Variants in SLC30A6 observed in about 807,000 individuals in gnomAD.
SLC30A6 encodes the protein zinc transporter 6.
A neutral mutation model predicts 63.0 loss-of-function variants in SLC30A6; 55 were observed. The ratio of observed to expected loss-of-function variants is 0.87; its 90% confidence interval spans 0.70 to 1.09. The LOEUF (loss-of-function observed/expected upper bound fraction) is 1.09, where lower values mean the gene tolerates loss of function less well. Among genes scored for constraint, SLC30A6 ranks in the 50% least tolerant of loss-of-function variants. The probability of loss-of-function intolerance (pLI) is 0.00; values close to 1 mark genes in which losing one functional copy is unlikely to be tolerated. For missense variants in SLC30A6, 587 were observed against 549.2 expected, an observed-to-expected ratio of 1.07 and a Z score of -0.69; for synonymous variants, 224 against 186.1, an observed-to-expected ratio of 1.20 and a Z score of -1.66.
chr2:32,190,407 C>T (rs1341068469), intron 5 of SLC30A6, among the ~76,000 whole-genome samples: 1 of 149,120 alleles, frequency 6.7e-6, no homozygotes, highest in Non-Finnish European at 1.5e-5. Context: ...TGCAGTGAGC[C>T]AATATCGTGT....
chr2:32,166,021 T>G, intron 1 of SLC30A6, 118 bp downstream of exon 1: 10 of 1,458,974 alleles, frequency 6.9e-6, no homozygotes, highest in Non-Finnish European at 9.6e-6. Context: ...GGAGTTGAAG[T>G]CGGGCCCCTT....
At chr2:32,203,439 C>T (rs1391531630) in intron 10 of SLC30A6, 1 of 1,512,472 alleles carries the variant, frequency 6.6e-7, no homozygotes, top group Non-Finnish European at 9.2e-7. Flanking sequence ...TTTTTCCAAC[C>T]ATCAGCTCAG....
chr2:32,180,688 C>T (rs766380333), intron 4 of SLC30A6, among the ~76,000 whole-genome samples: 17 of 152,186 alleles, frequency 1.1e-4, no homozygotes, highest in Non-Finnish European at 2.1e-4. Context: ...CCGCCTCAGC[C>T]TGCCAAAGTG....
chr2:32,201,925 G>A, intron 10 of SLC30A6: 2 of 1,476,834 alleles, frequency 1.4e-6, no homozygotes, highest in Non-Finnish European at 1.9e-6. Context: ...GAAGCTAAAT[G>A]GAGACACTGA....
rs1362125501 is a variant in SLC30A6 at position 32,182,575 on chromosome 2, C to G, written c.219-1698C>G. Reference sequence around the variant, plus strand: ...CTGAGGGCAGAGGTTTAACTGGGCCCCATTGTAAGAATCAAACTTCTCTTT... The same window carrying G: ...CTGAGGGCAGAGGTTTAACTGGGCCGCATTGTAAGAATCAAACTTCTCTTT... On this transcript the variant is annotated intron_variant, in intron 4 of 13. Transcript: ENST00000282587. Among the ~76,000 whole-genome samples, 9 of 152,074 alleles carry G rather than the reference C, an allele frequency of 5.9e-5. No individual in the cohort carries two copies. In the South Asian group the frequency reaches 1.7e-3, roughly 28 times the overall value.
chr2:32,174,999 G>C lies in SLC30A6; in HGVS notation c.176-320G>C, dbSNP rs141456513. On this transcript the variant is annotated intron_variant, in intron 3 of 13. Coordinates refer to ENST00000282587, the MANE Select transcript of SLC30A6 (RefSeq NM_017964.5). ...ATGTTTTTTATTGCATTGTTCTTTT[G>C]TTCAGTTATTCAAACAATACATTTG... is the stretch of plus-strand genomic sequence containing the variant. Among the ~76,000 whole-genome samples, 1,229 of 151,582 alleles carry C rather than the reference G, an allele frequency of 8.1e-3. 19 individuals carry two copies. Among genetic ancestry groups the C allele is most frequent in the Non-Finnish European group, 0.012 (829 of 67,864 alleles).
rs765730412 is a variant in SLC30A6, at chr2:32,197,795, C to T, written c.634C>T (p.Leu212Phe). ...GATTGATCTTGCTGGAGCATTTGCTCTTTGTATTACATATATGCTCATTGA... is the reference window on the plus strand; with the variant it reads ...GATTGATCTTGCTGGAGCATTTGCTTTTTGTATTACATATATGCTCATTGA... ...VLIDLAGAFA[L>F]CITYMLIEIN... The change falls in exon 10 of 14, where the codon CTT becomes TTT. Residue 212 changes from leucine to phenylalanine, a missense_variant. By Grantham distance (22) the Leu-to-Phe change is conservative. Transcript: ENST00000282587. 7 of 1,613,986 alleles carry T rather than the reference C, an allele frequency of 4.3e-6. No individual in the cohort carries two copies. Among genetic ancestry groups the T allele is most frequent in the Non-Finnish European group, 5.1e-6 (6 of 1,179,984 alleles).
chr2:32,204,689 C>T lies in SLC30A6; in HGVS notation c.765C>T (p.Leu255=). 6.3e-7 allele frequency: 1 copy of T among 1,593,054 alleles called. No individual in the cohort carries two copies. The change falls in exon 11 of 14, where the codon CTC becomes CTT. Residue 255 remains leucine, a synonymous_variant. Transcript: ENST00000282587. The part of the protein sequence containing the change: ...PMSVYSGKVL[L]QTTPPHVIGQ... ...GTGTGTACAGTGGGAAAGTCTTACT[C>T]CAGGTAAGGTGCTTCTTCCAATGCA...
chr2:32,199,390 A>G (rs1257237323), intron 10 of SLC30A6, among the ~76,000 whole-genome samples: 4 of 152,138 alleles, frequency 2.6e-5, no homozygotes, highest in Non-Finnish European at 5.9e-5. Context: ...GTGATATGAT[A>G]ATTCTGTATT....
intron 2 of SLC30A6, among the ~76,000 whole-genome samples, chr2:32,172,393 T>G (rs1681312656): frequency 6.6e-6 from 1 of 152,154 alleles, no homozygotes; most frequent in South Asian, 2.1e-4. Context: ...TGTTCTTTTT[T>G]TTTTGAGATG....
Position 32,224,367 on chromosome 2 carries a change from T to G in SLC30A6, c.*3654T>G, listed in dbSNP as rs1220813038. The G allele has an allele frequency of 1.3e-6, 1 of 766,524 alleles. No individual in the cohort carries two copies. Among genetic ancestry groups the G allele is most frequent in the African/African-American group, 1.8e-5 (1 of 56,670 alleles). The allele number at this position is 766,524 out of a possible 1,614,324, so 47.5% of individuals were successfully genotyped here. On this transcript the variant is annotated 3_prime_UTR_variant, in exon 14 of 14. Transcript: ENST00000282587. The stretch of plus-strand genomic sequence containing the variant: ...TTTTTAATCATCAAATTAAACTTCT[T>G]TCCACGTCCTTATCTTCTTTGGCAT...
At chr2:32,205,819 C>G (rs1442517605) in intron 11 of SLC30A6, among the ~76,000 whole-genome samples, 1 of 151,642 alleles carries the variant, frequency 6.6e-6, no homozygotes, top group East Asian at 2.0e-4. Flanking sequence ...AGCCATGTGC[C>G]ACCACGCCTG....
At chr2:32,186,677 G>A (rs1682845171) in intron 5 of SLC30A6, among the ~76,000 whole-genome samples, 1 of 151,402 alleles carries the variant, frequency 6.6e-6, no homozygotes, top group African/African-American at 2.4e-5. Context: ...GGGTGACAGA[G>A]CGAGACTCTG....
intron 4 of SLC30A6, among the ~76,000 whole-genome samples, chr2:32,183,627 T>A (rs1308519696): frequency 6.7e-6 from 1 of 148,418 alleles, no homozygotes; most frequent in Non-Finnish European, 1.5e-5. Context: ...GGAAGAGGTT[T>A]CAGTGAGCCG....
At chr2:32,217,549 C>T (rs1685814101) in intron 13 of SLC30A6, among the ~76,000 whole-genome samples, 1 of 152,048 alleles carries the variant, frequency 6.6e-6, no homozygotes, top group Non-Finnish European at 1.5e-5. Context: ...TATTTGGGCT[C>T]TTTTTTGGTT....
At chr2:32,191,613 G>A (rs1388778923) in intron 5 of SLC30A6, among the ~76,000 whole-genome samples, 2 of 152,180 alleles carry the variant, frequency 1.3e-5, no homozygotes, top group African/African-American at 4.8e-5. Flanking sequence ...TATAATAAGT[G>A]GTTAAAATCT....
chr2:32,194,042 CT>C, intron 8 of SLC30A6, 59 bp downstream of exon 8: 2 of 1,406,952 alleles, frequency 1.4e-6, no homozygotes, highest in African/African-American at 1.4e-5. Context: ...AAAAACAAGC[CT>C]TTTGTTTGTT....
intron 1 of SLC30A6, among the ~76,000 whole-genome samples, chr2:32,167,777 G>T (rs936555647): frequency 6.6e-6 from 1 of 152,064 alleles, no homozygotes; most frequent in Non-Finnish European, 1.5e-5. Context: ...GAAGATAAAG[G>T]GATAAGAGAC....
In SLC30A6 at chr2:32,206,794, C is replaced by T. The variant is rs1421816885; in HGVS notation, c.769-92C>T. 3.2e-5 allele frequency: 32 copies of T among 987,992 alleles called. No homozygotes were observed. In the South Asian group the frequency reaches 3.9e-4, roughly 12 times the overall value. 61.2% of individuals were successfully genotyped at this position (987,992 alleles called of 1,614,324 possible). On this transcript the variant is annotated intron_variant, in intron 11 of 13. Coordinates refer to ENST00000282587, the MANE Select transcript of SLC30A6 (RefSeq NM_017964.5). The stretch of plus-strand genomic sequence containing the variant: ...GGACAGCTGTCAAAGCAAAGGCTGG[C>T]TTAAAATCCTTTTGGGGAGGGGGTT...
Sources: gnomAD v4.1 joint callset for allele counts (sites outside exome capture counted in the v4.1 genomes callset) on GRCh38, gnomAD v4.1.1 for gene constraint, MANE v1.5 for transcripts, NCBI Gene and HGNC (gene_info 2026-07-23, HGNC 2026-07-21) for gene names.